Variants in KANSL1 observed in about 807,000 individuals in gnomAD.
KANSL1 encodes KAT8 regulatory NSL complex subunit 1.
A neutral mutation model predicts 103.6 loss-of-function variants in KANSL1; 22 were observed. That is an observed-to-expected ratio of 0.21 (90% CI 0.15 to 0.30). The LOEUF is 0.30. KANSL1 is among the 10% of genes least tolerant of loss of function. The probability of loss-of-function intolerance (pLI) is 1.00; values close to 1 mark genes in which losing one functional copy is unlikely to be tolerated. For missense variants in KANSL1, 1,337 were observed against 1,399.8 expected, an observed-to-expected ratio of 0.96 and a Z score of 0.72; for synonymous variants, 600 against 527.6, an observed-to-expected ratio of 1.14 and a Z score of -1.88.
chr17:46,199,642 T>A (rs988828533), intron 1 of KANSL1, among the ~76,000 whole-genome samples: 9 of 152,242 alleles, frequency 5.9e-5, no homozygotes, highest in African/African-American at 1.4e-4. Flanking sequence ...ACTGCAGGAT[T>A]TACATAAAGA....
chr17:46,178,059 G>A (rs879836451), intron 1 of KANSL1, among the ~76,000 whole-genome samples: 14 of 152,130 alleles, frequency 9.2e-5, no homozygotes, highest in African/African-American at 3.4e-4. Flanking sequence ...TTACAGGCAT[G>A]AGCCACCACG....
chr17:46,160,100 T>C (rs2147606992), intron 2 of KANSL1, among the ~76,000 whole-genome samples: 1 of 152,332 alleles, frequency 6.6e-6, no homozygotes, highest in African/African-American at 2.4e-5. Context: ...ATTTAACATA[T>C]CTATAGTCTT....
At chr17:46,113,531 T>G (rs1424515718) in intron 2 of KANSL1, among the ~76,000 whole-genome samples, 1 of 152,144 alleles carries the variant, frequency 6.6e-6, no homozygotes, top group Non-Finnish European at 1.5e-5. Context: ...AATTTACCTG[T>G]AGGTATAAGT....
Position 46,171,621 on chromosome 17 carries a change from A to T in KANSL1, c.523T>A (p.Ser175Thr), listed in dbSNP as rs757028302. Reference sequence around the variant, plus strand: ...AGAGCCCGTTTTCCCCCATTGAGGGAAGTGGAATTGTCATGATCAGAATGT... The same window carrying T: ...AGAGCCCGTTTTCCCCCATTGAGGGTAGTGGAATTGTCATGATCAGAATGT... ...STHSDHDNST[S>T]LNGGKRALTS... Residue 175 changes from serine to threonine, a missense_variant, in exon 2 of 15, where the codon TCC (serine) becomes ACC (threonine). This residue lies in a region of KANSL1 where 557 missense variants were observed against 476.4 expected (regional missense o/e 1.17). Transcript: ENST00000432791. 2.5e-6 allele frequency: 4 copies of T among 1,574,738 alleles called. No individual in the cohort carries two copies. The highest frequency in any genetic ancestry group is 3.4e-6 in the Non-Finnish European group (4 of 1,164,204).
At chr17:46,141,956 T>A (rs1448115242) in intron 2 of KANSL1, among the ~76,000 whole-genome samples, 1 of 152,206 alleles carries the variant, frequency 6.6e-6, no homozygotes, top group Non-Finnish European at 1.5e-5. Context: ...TGGCATGACC[T>A]TGGCTCACTG....
At chr17:46,190,320 G>A (rs1289799969) in intron 1 of KANSL1, among the ~76,000 whole-genome samples, 2 of 152,340 alleles carry the variant, frequency 1.3e-5, no homozygotes, top group East Asian at 3.9e-4. Flanking sequence ...AAACACTCAC[G>A]TAACAAAGAG....
At position 46,148,590 on chromosome 17, in the gene KANSL1, CT is replaced by C. The variant is rs373641135; in HGVS notation, c.1289+22264del. ...CAAATCACCATCCTCCTTCACTTACCTTTTTTTTTTTTTGAGATGGGAGTCT... is the reference window on the plus strand; with the variant it reads ...CAAATCACCATCCTCCTTCACTTACCTTTTTTTTTTTTGAGATGGGAGTCT... On this transcript the variant is annotated intron_variant, in intron 2 of 14. Coordinates refer to ENST00000432791, the MANE Select transcript of KANSL1 (RefSeq NM_015443.4). Among the ~76,000 whole-genome samples, 398 of 145,010 alleles carry C rather than the reference CT, an allele frequency of 2.7e-3. 1 individual carries two copies. Among genetic ancestry groups the C allele is most frequent in the African/African-American group, 7.3e-3 (287 of 39,546 alleles).
At chr17:46,071,244 G>C (rs1294745336) in intron 4 of KANSL1, among the ~76,000 whole-genome samples, 1 of 152,142 alleles carries the variant, frequency 6.6e-6, no homozygotes, top group Non-Finnish European at 1.5e-5. Flanking sequence ...GAGGTATACA[G>C]AGGTCAAGAG....
At chr17:46,150,150 G>C (rs142097600) in intron 2 of KANSL1, among the ~76,000 whole-genome samples, 1 of 148,108 alleles carries the variant, frequency 6.8e-6, no homozygotes, top group Non-Finnish European at 1.5e-5. Flanking sequence ...ATTAACCTTG[G>C]TCATTTCCTT....
At chr17:46,148,298 G>A (rs1177306840) in intron 2 of KANSL1, 5 of 152,188 alleles carry the variant, frequency 3.3e-5, no homozygotes, top group Admixed American at 2.6e-4. Context: ...ACTGGGAGAG[G>A]AGGAACATAA....
chr17:46,127,724 G>A (rs572189435), intron 2 of KANSL1, among the ~76,000 whole-genome samples: 29 of 152,020 alleles, frequency 1.9e-4, no homozygotes, highest in African/African-American at 7.0e-4. Context: ...GGTGCAGTGA[G>A]CCGAGATTGC....
chr17:46,056,794 C>T (rs1031858892), intron 6 of KANSL1, among the ~76,000 whole-genome samples: 1 of 152,206 alleles, frequency 6.6e-6, no homozygotes, highest in Non-Finnish European at 1.5e-5. Flanking sequence ...AAACATTACA[C>T]AAATGTTAGC....
chr17:46,110,959 A>AT (rs2042776940), intron 2 of KANSL1, among the ~76,000 whole-genome samples: 2 of 152,270 alleles, frequency 1.3e-5, no homozygotes, highest in Non-Finnish European at 1.5e-5. Flanking sequence ...CACTCAATGC[A>AT]TAACTAAAGA....
At chr17:46,110,631 G>A (rs1370890207) in intron 2 of KANSL1, among the ~76,000 whole-genome samples, 1 of 152,204 alleles carries the variant, frequency 6.6e-6, no homozygotes, top group Non-Finnish European at 1.5e-5. Context: ...GGGGGGAGAT[G>A]ACCCTCTGAA....
intron 1 of KANSL1, among the ~76,000 whole-genome samples, chr17:46,213,127 T>C (rs1450484678): frequency 6.6e-6 from 1 of 151,940 alleles, no homozygotes; most frequent in Non-Finnish European, 1.5e-5. Flanking sequence ...AAGTGCCCAG[T>C]AAAAAAAAGT....
intron 1 of KANSL1, among the ~76,000 whole-genome samples, chr17:46,186,529 TAA>T (rs769133938): frequency 3.9e-5 from 6 of 152,188 alleles, no homozygotes; most frequent in Non-Finnish European, 7.3e-5. Flanking sequence ...CCAATGCCAA[TAA>T]AATGTTAAGT....
intron 1 of KANSL1, among the ~76,000 whole-genome samples, chr17:46,183,706 T>G (rs1043089836): frequency 3.3e-5 from 5 of 149,444 alleles, no homozygotes; most frequent in African/African-American, 1.2e-4. Flanking sequence ...ATTCCAGCAC[T>G]TTGGGAGGCC....
At chr17:46,164,049 T>C (rs927335311) in intron 2 of KANSL1, among the ~76,000 whole-genome samples, 8 of 152,246 alleles carry the variant, frequency 5.3e-5, no homozygotes, top group African/African-American at 9.6e-5. Context: ...ATCTTTGTCT[T>C]ACTAAGTTCT....
chr17:46,142,731 T>C, intron 2 of KANSL1, among the ~76,000 whole-genome samples: 1 of 152,394 alleles, frequency 6.6e-6, no homozygotes, highest in Middle Eastern at 3.4e-3. Flanking sequence ...CAAATATTTT[T>C]AAAGGATCCT....
Sources: allele counts gnomAD v4.1 joint callset (sites outside exome capture counted in the v4.1 genomes callset), GRCh38; gene constraint gnomAD v4.1.1; regional missense constraint gnomAD v4.1.1; transcripts MANE v1.5; gene names NCBI Gene and HGNC (gene_info 2026-07-23, HGNC 2026-07-21).